The following USP24 variants were observed in gnomAD, a reference collection of about 807,000 sequenced individuals.
USP24 encodes ubiquitin carboxyl-terminal hydrolase 24.
In USP24, 97 loss-of-function variants were observed where a neutral mutation model predicts 361.6. That is an observed-to-expected ratio of 0.27 (90% CI 0.23 to 0.32). The LOEUF (loss-of-function observed/expected upper bound fraction) is 0.32, where lower values mean the gene tolerates loss of function less well. Among genes scored for constraint, USP24 ranks in the 10% least tolerant of loss-of-function variants. The pLI, the probability that USP24 is intolerant of heterozygous loss-of-function variation, is 1.00. For missense variants in USP24, 2,353 were observed against 3,165.6 expected (o/e 0.74, Z 6.16); for synonymous variants, 1,098 against 1,124.6 (o/e 0.98, Z 0.47).
In USP24 at chr1:55,172,686, T is replaced by C. The variant is rs148181385; in HGVS notation, c.559-166A>G. 3.0e-3 allele frequency among the ~76,000 whole-genome samples: 463 copies of C among 152,372 alleles called. 5 individuals are homozygous for C. Among genetic ancestry groups the C allele is most frequent in the African/African-American group, 0.01 (424 of 41,592 alleles). On this transcript the variant is annotated intron_variant, in intron 3 of 67. Coordinates refer to ENST00000294383, the MANE Select transcript of USP24 (RefSeq NM_015306.3). ...TAGCTGTAGTTCATCTACTTGCCCA[T>C]TTATTTCAAAGTCAATACAGAGTTT...
chr1:55,111,501 C>T (rs1645952537), intron 38 of USP24, among the ~76,000 whole-genome samples: 1 of 151,980 alleles, frequency 6.6e-6, no homozygotes, highest in Non-Finnish European at 1.5e-5. Context: ...AATCATTGGT[C>T]TTTCAAATAA....
chr1:55,124,775 G>A, intron 34 of USP24, 147 bp from the exon 35 acceptor site: 1 of 791,344 alleles, frequency 1.3e-6, no homozygotes, highest in Non-Finnish European at 2.0e-6. Context: ...CTGCCATCCT[G>A]CTCAAGGGCT....
intron 38 of USP24, among the ~76,000 whole-genome samples, chr1:55,114,835 C>G (rs1646058585): frequency 6.6e-6 from 1 of 152,086 alleles, no homozygotes. Flanking sequence ...TAGGCATGGG[C>G]AAGGACTTCA....
At chr1:55,190,342 T>G (rs1249349460) in intron 1 of USP24, among the ~76,000 whole-genome samples, 1 of 152,136 alleles carries the variant, frequency 6.6e-6, no homozygotes, top group Non-Finnish European at 1.5e-5. Context: ...AGGAGTGTGC[T>G]GCAAACACAA....
In USP24 at chr1:55,103,919, G is replaced by C. The variant is rs762343723; in HGVS notation, c.4982C>G (p.Ser1661Cys). 2.5e-6 allele frequency: 4 copies of C among 1,612,808 alleles called. No homozygotes were observed. Among genetic ancestry groups the C allele is most frequent in the African/African-American group, 2.7e-5 (2 of 74,876 alleles). ...NLQIIIKELL[S>C]MHHQPDPALT... Reference sequence around the variant, plus strand: ...AGCAGGGTCAGGCTGGTGATGCATAGAAAGCAGTTCTTTTATAATAATTTG... The same window carrying C: ...AGCAGGGTCAGGCTGGTGATGCATACAAAGCAGTTCTTTTATAATAATTTG... The change falls in exon 42 of 68, where the codon TCT becomes TGT. Residue 1661 changes from serine (S) to cysteine (C), a missense_variant. By Grantham distance (112) the Ser-to-Cys change is moderately radical. Transcript: ENST00000294383.
rs1288496901 is a variant in USP24, at chr1:55,157,022, G to A, written c.1372C>T (p.Arg458Cys). ...AAGAGTTCAATAATTCCCTTTATACGGTCACAGTATTGTGCTTGGTCTATG... is the reference window on the plus strand; with the variant it reads ...AAGAGTTCAATAATTCCCTTTATACAGTCACAGTATTGTGCTTGGTCTATG... ...GNIDQAQYCD[R>C]IKGIIELLGS... is the part of the protein sequence containing the mutation. The change falls in exon 12 of 68, where the codon CGT (arginine) becomes TGT (cysteine). Residue 458 changes from arginine to cysteine, a missense_variant. This residue lies in a region of USP24 where 386 missense variants were observed against 560.5 expected (regional missense o/e 0.69). Coordinates refer to ENST00000294383, the MANE Select transcript of USP24 (RefSeq NM_015306.3). 1 of 1,612,736 alleles carries A rather than the reference G, an allele frequency of 6.2e-7. No homozygotes were observed. The highest frequency in any genetic ancestry group is 8.5e-7 in the Non-Finnish European group (1 of 1,179,344).
Position 55,158,927 on chromosome 1 carries a change from C to T in USP24, c.1178G>A (p.Arg393His), listed in dbSNP as rs567412757. ...ACTGAAATGTGGTGATTTCAGCATG[C>T]GCAATAGAATATCTAGTCGAAGGTC... ...VDDLRLDILL[R>H]MLKSPHFSAK... is the part of the protein sequence containing the mutation. The change falls in exon 10 of 68, where the codon CGC becomes CAC. Residue 393 changes from arginine to histidine, a missense_variant. Coordinates refer to ENST00000294383, the MANE Select transcript of USP24 (RefSeq NM_015306.3). The T allele has an allele frequency of 1.9e-6, 3 of 1,586,394 alleles. No individual in the cohort carries two copies. The highest frequency in any genetic ancestry group is 1.8e-5 in the Admixed American group (1 of 57,118).
intron 64 of USP24, among the ~76,000 whole-genome samples, chr1:55,073,536 C>G (rs1220376374): frequency 2.0e-5 from 3 of 152,176 alleles, no homozygotes; most frequent in Non-Finnish European, 4.4e-5. Flanking sequence ...TGAGTGAAAG[C>G]TCATGAACTC....
intron 31 of USP24, among the ~76,000 whole-genome samples, chr1:55,131,734 C>T (rs562854235): frequency 6.6e-6 from 1 of 152,188 alleles, no homozygotes; most frequent in East Asian, 1.9e-4. Context: ...ATGCAGGTAC[C>T]CTCTTAAAAT....
At chr1:55,126,154 T>C (rs1646422447) in intron 32 of USP24, among the ~76,000 whole-genome samples, 1 of 152,252 alleles carries the variant, frequency 6.6e-6, no homozygotes, top group Non-Finnish European at 1.5e-5. Context: ...TGCAATGTCA[T>C]GTCCCAGACC....
chr1:55,134,445 T>C, intron 28 of USP24, 32 bp from the exon 29 acceptor site: 1 of 1,559,666 alleles, frequency 6.4e-7, no homozygotes, highest in Non-Finnish European at 8.8e-7. Context: ...GAAATTCAAA[T>C]TTACAAAAGA....
intron 1 of USP24, among the ~76,000 whole-genome samples, chr1:55,187,049 A>G (rs1225493529): frequency 6.6e-6 from 1 of 152,204 alleles, no homozygotes; most frequent in East Asian, 1.9e-4. Flanking sequence ...CACATATATT[A>G]AAAAGATCCT....
chr1:55,113,340 C>T (rs150613649), intron 38 of USP24, among the ~76,000 whole-genome samples: 5 of 152,174 alleles, frequency 3.3e-5, no homozygotes, highest in African/African-American at 9.6e-5. Flanking sequence ...AAGAAGAAGT[C>T]GAATCCCTGA....
intron 1 of USP24, among the ~76,000 whole-genome samples, chr1:55,203,274 C>T (rs537629953): frequency 3.3e-4 from 51 of 152,258 alleles, no homozygotes; most frequent in African/African-American, 1.2e-3. Context: ...AACCTACAGT[C>T]AAAGACTTCC....
intron 1 of USP24, among the ~76,000 whole-genome samples, chr1:55,190,283 C>A (rs145982741): frequency 1.3e-5 from 2 of 151,946 alleles, no homozygotes; most frequent in African/African-American, 2.4e-5. Flanking sequence ...GAAGCAACAG[C>A]GCGTTATACA....
Position 55,147,015 on chromosome 1 carries a change from C to T in USP24, c.2164G>A (p.Ala722Thr). The change falls in exon 19 of 68, where the codon GCT (alanine) becomes ACT (threonine). Residue 722 changes from alanine (A) to threonine (T), a missense_variant. Ala to Thr is a moderately conservative substitution (Grantham distance 58, BLOSUM62 0). Coordinates refer to ENST00000294383, the MANE Select transcript of USP24 (RefSeq NM_015306.3). ...CGATTCCAGCCCAGATACAGAGTAGCTTCTTGCAAGAAAAACGCTAGAAAT... is the reference window on the plus strand; with the variant it reads ...CGATTCCAGCCCAGATACAGAGTAGTTTCTTGCAAGAAAAACGCTAGAAAT... ...LKFLAFFLQE[A>T]TLYLGWNRAK... 1.3e-6 allele frequency: 2 copies of T among 1,594,706 alleles called. No homozygotes were observed. Among genetic ancestry groups the T allele is most frequent in the Non-Finnish European group, 8.5e-7 (1 of 1,173,166 alleles).
chr1:55,096,742 A>G (rs1327816101), intron 49 of USP24, 120 bp from the exon 50 acceptor site: 1 of 1,429,956 alleles, frequency 7.0e-7, no homozygotes, highest in East Asian at 2.3e-5. Flanking sequence ...GAAAATATCT[A>G]AGAAATATGT....
intron 51 of USP24, 107 bp from the exon 52 acceptor site, chr1:55,094,194 T>C: frequency 1.8e-6 from 2 of 1,107,828 alleles, no homozygotes; most frequent in Non-Finnish European, 2.5e-6. Flanking sequence ...TATTTGATTA[T>C]TATACATGTA....
intron 38 of USP24, among the ~76,000 whole-genome samples, chr1:55,117,126 A>T (rs553647823): frequency 1.3e-5 from 2 of 152,354 alleles, no homozygotes; most frequent in East Asian, 3.9e-4. Flanking sequence ...ATTTGATAAA[A>T]TTTAACTCAC....
Sources: gnomAD v4.1 joint callset for allele counts (sites outside exome capture counted in the v4.1 genomes callset) on GRCh38, gnomAD v4.1.1 for gene constraint, gnomAD v4.1.1 regional missense constraint, MANE v1.5 for transcripts, NCBI Gene and HGNC (gene_info 2026-07-23, HGNC 2026-07-21) for gene names.